APTX: variants seen among roughly 807,000 people sequenced by gnomAD.
APTX encodes the protein aprataxin, also known as forkhead-associated domain histidine triad-like protein.
APTX carries 33 observed loss-of-function variants against 42.3 expected under a neutral mutation model. That is an observed-to-expected ratio of 0.78 (90% CI 0.59 to 1.04). The LOEUF (loss-of-function observed/expected upper bound fraction) is 1.04. Among genes scored for constraint, APTX ranks in the 50% least tolerant of loss-of-function variants. APTX has a pLI of 0.00. For missense variants in APTX, 421 were observed against 415.1 expected (o/e 1.01, Z -0.12); for synonymous variants, 130 against 146.7 (o/e 0.89, Z 0.82).
intron 4 of APTX, 25 bp from the exon 5 acceptor site, chr9:32,986,055 CAAAAAAAAAAAAA>C: frequency 1.9e-6 from 1 of 521,256 alleles, no homozygotes; most frequent in Non-Finnish European, 2.6e-6. Context: ...AAAAAAAAAA[CAAAAAAAAAAAAA>C]AACAAGCAAT....
chr9:32,987,453 G>T, intron 4 of APTX, 91 bp downstream of exon 4: 3 of 1,512,470 alleles, frequency 2.0e-6, no homozygotes, highest in Non-Finnish European at 2.7e-6. Context: ...AACCCCTCAC[G>T]CATTTCTGAA....
At chr9:33,021,560 C>T (rs1190463433) in intron 1 of APTX, among the ~76,000 whole-genome samples, 2 of 152,108 alleles carry the variant, frequency 1.3e-5, no homozygotes, top group African/African-American at 4.8e-5. Flanking sequence ...TGGTGGCTCA[C>T]GCCTATAATA....
chr9:33,021,334 A>T (rs1838366285), intron 1 of APTX, among the ~76,000 whole-genome samples: 1 of 152,188 alleles, frequency 6.6e-6, no homozygotes, highest in Non-Finnish European at 1.5e-5. Flanking sequence ...AAATGTGTTA[A>T]TTCTCTCCAA....
intron 6 of APTX, chr9:32,979,664 TG>T: frequency 6.3e-6 from 1 of 159,536 alleles, no homozygotes. Context: ...CCACCTGCCT[TG>T]GCCACCTAAT....
chr9:33,000,717 T>C (rs1015622133), intron 1 of APTX, among the ~76,000 whole-genome samples: 1 of 151,436 alleles, frequency 6.6e-6, no homozygotes, highest in Non-Finnish European at 1.5e-5. Flanking sequence ...CAAATCTGTA[T>C]TGTCTCACAT....
chr9:32,986,032 T>TAAAAAAAAAAAAAAAAAAA lies in APTX; in HGVS notation c.484-3_484-2insTTTTTTTTTTTTTTTTTTT, dbSNP rs373304582. 3 of 733,312 alleles carry TAAAAAAAAAAAAAAAAAAA rather than the reference T, an allele frequency of 4.1e-6. No homozygotes were observed. The highest frequency in any genetic ancestry group is 4.9e-5 in the African/African-American group (1 of 20,596). 45.4% of individuals were successfully genotyped at this position (733,312 alleles called of 1,614,324 possible). A position where few individuals can be genotyped will look rare whatever the true frequency, so the allele number is the denominator to read the frequency against. ...TTGACTCCAGTGGCCCAGGGATTCC[T>TAAAAAAAAAAAAAAAAAAA]AAAAAAAAAACAAAAAAAAAAACAA... On this transcript the variant is annotated splice_polypyrimidine_tract_variant and splice_region_variant and intron_variant, in intron 4 of 7. Transcript: ENST00000379817.
chr9:32,973,764 G>A (rs1391607281), intron 7 of APTX, 112 bp from the exon 8 acceptor site: 2 of 1,391,496 alleles, frequency 1.4e-6, no homozygotes, highest in Non-Finnish European at 2.0e-6. Context: ...TGCCAGGCCA[G>A]GTATTCTACA....
At chr9:32,981,665 C>G (rs771117300) in intron 6 of APTX, among the ~76,000 whole-genome samples, 1 of 152,090 alleles carries the variant, frequency 6.6e-6, no homozygotes, top group African/African-American at 2.4e-5. Context: ...AAGAGCTGAC[C>G]TAAAGGAGCT....
upstream of APTX, among the ~76,000 whole-genome samples, chr9:33,003,449 C>T (rs10971288): frequency 6.6e-6 from 1 of 152,056 alleles, no homozygotes; most frequent in African/African-American, 2.4e-5. Context: ...GGGAGGCCAA[C>T]GCAGGTGGAT....
intron 1 of APTX, among the ~76,000 whole-genome samples, chr9:33,012,736 A>G (rs1476705907): frequency 6.6e-6 from 1 of 152,146 alleles, no homozygotes; most frequent in Non-Finnish European, 1.5e-5. Context: ...CCCTGCCCCA[A>G]CTGCGGAATT....
At chr9:32,976,709 C>G (rs1244619335) in intron 6 of APTX, among the ~76,000 whole-genome samples, 1 of 152,166 alleles carries the variant, frequency 6.6e-6, no homozygotes, top group East Asian at 1.9e-4. Context: ...TAAACTAAAA[C>G]AGTGTTCTTC....
intron 1 of APTX, chr9:33,019,589 G>A (rs759354658): frequency 3.0e-5 from 11 of 369,376 alleles, no homozygotes; most frequent in Non-Finnish European, 5.0e-5. Context: ...GGCCGACCAT[G>A]AGGCCCTCCC....
At chr9:32,988,276 T>A in intron 2 of APTX, 147 bp from the exon 3 acceptor site, 2 of 724,478 alleles carry the variant, frequency 2.8e-6, no homozygotes, top group Non-Finnish European at 4.9e-6. Flanking sequence ...CACCTGTTAT[T>A]GCAGGTGGCT....
At chr9:32,980,722 T>G (rs759854800) in intron 6 of APTX, among the ~76,000 whole-genome samples, 6 of 152,198 alleles carry the variant, frequency 3.9e-5, no homozygotes, top group African/African-American at 1.4e-4. Context: ...CAATCCTACT[T>G]TGAATGCATT....
chr9:32,987,965 AT>A (rs1832595712), intron 3 of APTX, 117 bp downstream of exon 3: 11 of 1,508,504 alleles, frequency 7.3e-6, no homozygotes, highest in Non-Finnish European at 1.0e-5. Context: ...GTTCACCTAT[AT>A]TACTCCATCA....
chr9:32,981,994 TAA>T (rs542450072), intron 6 of APTX, among the ~76,000 whole-genome samples: 1 of 141,694 alleles, frequency 7.1e-6, no homozygotes. Flanking sequence ...ATTCATGAAT[TAA>T]AAAAAAAAAA....
intron 6 of APTX, among the ~76,000 whole-genome samples, chr9:32,979,123 G>A (rs1830116211): frequency 6.6e-6 from 1 of 152,090 alleles, no homozygotes; most frequent in Admixed American, 6.5e-5. Flanking sequence ...TTGCTATACA[G>A]ATTGTTTCGC....
chr9:33,005,782 T>A (rs1422175901), upstream of APTX, among the ~76,000 whole-genome samples: 3 of 152,170 alleles, frequency 2.0e-5, no homozygotes, highest in Admixed American at 6.6e-5. Flanking sequence ...AACTTCAATT[T>A]TTTGCATGTG....
At chr9:32,991,333 GTGGA>G (rs1284030358) in intron 1 of APTX, among the ~76,000 whole-genome samples, 1 of 152,210 alleles carries the variant, frequency 6.6e-6, no homozygotes, top group Non-Finnish European at 1.5e-5. Flanking sequence ...TTATGGCCAT[GTGGA>G]CTATCAGTAA....
Sources: gnomAD v4.1 joint callset for allele counts (sites outside exome capture counted in the v4.1 genomes callset) on GRCh38, gnomAD v4.1.1 for gene constraint, MANE v1.5 for transcripts, NCBI Gene and HGNC (gene_info 2026-07-23, HGNC 2026-07-21) for gene names.